Variants in TNFRSF13B observed in about 807,000 individuals in gnomAD.
TNFRSF13B encodes the protein TNF receptor superfamily member 13B, also known as tumor necrosis factor receptor superfamily member 13B.
A neutral mutation model predicts 24.0 loss-of-function variants in TNFRSF13B; 34 were observed. The ratio of observed to expected loss-of-function variants is 1.41; its 90% CI spans 1.08 to 1.88. The LOEUF (loss-of-function observed/expected upper bound fraction) is 1.88, where lower values mean the gene tolerates loss of function less well. TNFRSF13B is among the 40% of genes most tolerant of loss of function. The pLI, the probability that TNFRSF13B is intolerant of heterozygous loss-of-function variation, is 0.00. For missense variants in TNFRSF13B, 415 were observed against 380.8 expected (o/e 1.09, Z -0.75); for synonymous variants, 173 against 150.3 (o/e 1.15, Z -1.10).
intron 1 of TNFRSF13B, among the ~76,000 whole-genome samples, chr17:16,956,833 ATCAGTGAT>A (rs2087628156): frequency 6.6e-6 from 1 of 152,188 alleles, no homozygotes; most frequent in South Asian, 2.1e-4. Context: ...CAATACAAAA[ATCAGTGAT>A]TCCCAGGGGT....
Position 16,939,651 on chromosome 17 carries a change from CCCACCTTCCAG to C in TNFRSF13B, c.767_777del (p.Ala256GlyfsTer145). 6.2e-7 allele frequency: 1 copy of C among 1,612,692 alleles called. No individual in the cohort carries two copies. The highest frequency in any genetic ancestry group is 8.5e-7 in the Non-Finnish European group (1 of 1,178,980). On this transcript the variant is annotated frameshift_variant, in exon 5 of 5. Transcript: ENST00000261652. LOFTEE classifies it low-confidence loss of function (END_TRUNC). ...AGGACTGTGGTCCTGGTGTGGCACC[CCCACCTTCCAG>C]CACAAGTGGGGTCGGGGGTCCCAGG...
chr17:16,969,699 T>C (rs2087730288), intron 1 of TNFRSF13B, among the ~76,000 whole-genome samples: 1 of 152,188 alleles, frequency 6.6e-6, no homozygotes, highest in South Asian at 2.1e-4. Flanking sequence ...TAAATAAAGC[T>C]GCTTATTCTA....
At chr17:16,959,577 C>T (rs1034599363) in intron 1 of TNFRSF13B, among the ~76,000 whole-genome samples, 1 of 151,856 alleles carries the variant, frequency 6.6e-6, no homozygotes, top group African/African-American at 2.4e-5. Flanking sequence ...AATTGACAAA[C>T]CTTTAGGTAG....
At chr17:16,940,792 G>A (rs2087504725) in intron 3 of TNFRSF13B, 1 of 1,362,934 alleles carries the variant, frequency 7.3e-7, no homozygotes, top group Non-Finnish European at 9.5e-7. Flanking sequence ...TTGGGACAGC[G>A]CTGGAGATGG....
intron 1 of TNFRSF13B, among the ~76,000 whole-genome samples, chr17:16,967,973 TA>T (rs147685119): frequency 1.0e-3 from 152 of 145,672 alleles, no homozygotes; most frequent in African/African-American, 3.6e-3. Context: ...GCATCTCTAC[TA>T]AAAAAAAATA....
intron 1 of TNFRSF13B, among the ~76,000 whole-genome samples, chr17:16,952,897 C>T (rs749402574): frequency 6.6e-6 from 1 of 152,180 alleles, no homozygotes; most frequent in Non-Finnish European, 1.5e-5. Flanking sequence ...CCTCTCCCTG[C>T]CACAGGGTCT....
chr17:16,954,424 A>T (rs2087611251), intron 1 of TNFRSF13B, among the ~76,000 whole-genome samples: 1 of 152,182 alleles, frequency 6.6e-6, no homozygotes, highest in Non-Finnish European at 1.5e-5. Context: ...CTCTCATTTA[A>T]CACGGCAGCT....
chr17:16,953,371 G>A (rs2087603421), intron 1 of TNFRSF13B, among the ~76,000 whole-genome samples: 1 of 152,124 alleles, frequency 6.6e-6, no homozygotes, highest in African/African-American at 2.4e-5. Flanking sequence ...TGTGTAAAGT[G>A]CACAAAAAGC....
intron 1 of TNFRSF13B, among the ~76,000 whole-genome samples, chr17:16,969,021 T>G (rs1199237674): frequency 6.6e-6 from 1 of 152,228 alleles, no homozygotes; most frequent in East Asian, 1.9e-4. Flanking sequence ...CCCCTTGGGA[T>G]GGCTAGAATG....
intron 3 of TNFRSF13B, 99 bp downstream of exon 3, chr17:16,948,639 T>C: frequency 6.4e-7 from 1 of 1,557,452 alleles, no homozygotes; most frequent in South Asian, 1.1e-5. Context: ...GACTCTGGGC[T>C]TCATGCATTG....
intron 2 of TNFRSF13B, among the ~76,000 whole-genome samples, chr17:16,949,433 TC>T (rs942513226): frequency 2.0e-5 from 3 of 152,144 alleles, no homozygotes; most frequent in African/African-American, 7.2e-5. Flanking sequence ...AAAGCCAGAA[TC>T]CTCTTTGACA....
At chr17:16,943,540 G>A (rs896507487) in intron 3 of TNFRSF13B, among the ~76,000 whole-genome samples, 1 of 151,998 alleles carries the variant, frequency 6.6e-6, no homozygotes, top group Non-Finnish European at 1.5e-5. Context: ...CCTCTCACAG[G>A]GCCCCTGCTG....
Position 16,940,250 on chromosome 17 carries a change from G to C in TNFRSF13B, c.631+76C>G, listed in dbSNP as rs555128985. 1.0e-4 allele frequency: 167 copies of C among 1,611,202 alleles called. No individual in the cohort carries two copies. The African/African-American group carries it at 1.9e-3, about 18-fold the overall frequency. On this transcript the variant is annotated intron_variant, in intron 4 of 4. Coordinates refer to ENST00000261652, the MANE Select transcript of TNFRSF13B (RefSeq NM_012452.3). ...CTCTCCACCTAGAAGCAGGGGCAGT[G>C]ACAGGACCGAGGGATGGCCCGAGGC... is the stretch of plus-strand genomic sequence containing the variant.
chr17:16,949,360 T>C (rs538164037), intron 2 of TNFRSF13B, among the ~76,000 whole-genome samples: 2 of 152,336 alleles, frequency 1.3e-5, no homozygotes, highest in East Asian at 3.9e-4. Context: ...AGACTTTTAC[T>C]TGCATTTTTC....
chr17:16,965,081 A>C (rs1408082348), intron 1 of TNFRSF13B, among the ~76,000 whole-genome samples: 3 of 152,100 alleles, frequency 2.0e-5, no homozygotes, highest in Non-Finnish European at 2.9e-5. Context: ...ATTTATAATA[A>C]TGTAAAATAA....
At chr17:16,941,627 T>C (rs907525330) in intron 3 of TNFRSF13B, 3 of 970,550 alleles carry the variant, frequency 3.1e-6, no homozygotes, top group Admixed American at 6.1e-5. Context: ...TGAGAATTTG[T>C]ATACCATCAA....
chr17:16,969,140 T>A (rs185592546), intron 1 of TNFRSF13B, among the ~76,000 whole-genome samples: 108 of 152,334 alleles, frequency 7.1e-4, no homozygotes, highest in African/African-American at 2.6e-3. Context: ...ATTTTGCAGT[T>A]CCTTAAAATG....
At chr17:16,953,572 G>A (rs117896884) in intron 1 of TNFRSF13B, among the ~76,000 whole-genome samples, 216 of 152,200 alleles carry the variant, frequency 1.4e-3, no homozygotes, top group African/African-American at 4.2e-3. Flanking sequence ...TGGTACTTCC[G>A]TGTCTGGTTT....
intron 2 of TNFRSF13B, among the ~76,000 whole-genome samples, chr17:16,950,666 C>G (rs1230510160): frequency 2.0e-5 from 3 of 152,134 alleles, no homozygotes; most frequent in Non-Finnish European, 4.4e-5. Context: ...TGACCTCCTC[C>G]CCTGTTGCAG....
Sources: allele counts gnomAD v4.1 joint callset (sites outside exome capture counted in the v4.1 genomes callset), GRCh38; gene constraint gnomAD v4.1.1; transcripts MANE v1.5; gene names NCBI Gene and HGNC (gene_info 2026-07-23, HGNC 2026-07-21).